Variants in MYH10 observed in about 807,000 individuals in gnomAD.
MYH10 encodes the protein myosin heavy chain 10, also known as myosin-10.
MYH10 carries 55 observed loss-of-function variants against 257.8 expected under a neutral mutation model. The observed-to-expected ratio is 0.21, with a 90% CI of 0.17 to 0.27. MYH10 has a LOEUF of 0.27. MYH10 is among the 10% of genes least tolerant of loss of function. The probability of loss-of-function intolerance (pLI) is 1.00; values close to 1 mark genes in which losing one functional copy is unlikely to be tolerated. For synonymous variants in MYH10, 854 were observed against 921.7 expected (o/e 0.93, Z 1.33); for missense variants, 1,631 against 2,500.6 (o/e 0.65, Z 7.42).
chr17:8,548,033 G>C (rs2082500265), intron 11 of MYH10, among the ~76,000 whole-genome samples: 1 of 151,994 alleles, frequency 6.6e-6, no homozygotes, highest in Non-Finnish European at 1.5e-5. Flanking sequence ...ACCCTCTCAG[G>C]TAAGTGTGTG....
At chr17:8,496,742 C>T (rs1916696434) in intron 30 of MYH10, among the ~76,000 whole-genome samples, 1 of 152,250 alleles carries the variant, frequency 6.6e-6, no homozygotes, top group Non-Finnish European at 1.5e-5. Context: ...GACCACCCTC[C>T]TTCGAAAGGC....
At chr17:8,534,323 G>T (rs888214500) in intron 16 of MYH10, among the ~76,000 whole-genome samples, 2 of 152,124 alleles carry the variant, frequency 1.3e-5, no homozygotes, top group Non-Finnish European at 2.9e-5. Context: ...TCCCCTCTTT[G>T]CTATGTCTCA....
chr17:8,573,195 T>C (rs1210503537), intron 6 of MYH10, among the ~76,000 whole-genome samples: 1 of 152,224 alleles, frequency 6.6e-6, no homozygotes, highest in African/African-American at 2.4e-5. Flanking sequence ...TGCTATATGA[T>C]ATAGCATGAG....
At chr17:8,590,781 A>G (rs2084098214) in intron 3 of MYH10, among the ~76,000 whole-genome samples, 1 of 150,952 alleles carries the variant, frequency 6.6e-6, no homozygotes, top group Non-Finnish European at 1.5e-5. Flanking sequence ...AACCACTGGG[A>G]TATCTCCTGC....
intron 38 of MYH10, 179 bp from the exon 39 acceptor site, chr17:8,480,704 A>T: frequency 8.1e-6 from 6 of 737,562 alleles, no homozygotes; most frequent in Admixed American, 4.8e-5. Context: ...ACTTCCAAAC[A>T]CCCTCCCCCG....
chr17:8,594,044 A>C (rs980325564), intron 3 of MYH10, among the ~76,000 whole-genome samples: 2 of 152,198 alleles, frequency 1.3e-5, no homozygotes, highest in African/African-American at 4.8e-5. Flanking sequence ...AAAGGTACAA[A>C]GGCAATTCAA....
At chr17:8,587,565 C>A (rs1451800462) in intron 4 of MYH10, among the ~76,000 whole-genome samples, 1 of 152,106 alleles carries the variant, frequency 6.6e-6, no homozygotes, top group East Asian at 1.9e-4. Context: ...GCCTCCTTGG[C>A]CCGTCACTGG....
At chr17:8,581,102 G>T (rs1250639707) in intron 4 of MYH10, among the ~76,000 whole-genome samples, 1 of 152,054 alleles carries the variant, frequency 6.6e-6, no homozygotes, top group Non-Finnish European at 1.5e-5. Context: ...CAGGTGCCAG[G>T]ATTTGATATA....
chr17:8,511,712 A>T (rs1049481640), intron 24 of MYH10, among the ~76,000 whole-genome samples: 4 of 152,238 alleles, frequency 2.6e-5, no homozygotes, highest in Non-Finnish European at 5.9e-5. Flanking sequence ...AAACACACAT[A>T]CAAGCACACA....
chr17:8,616,093 G>A (rs2085250770), intron 2 of MYH10, among the ~76,000 whole-genome samples: 1 of 152,170 alleles, frequency 6.6e-6, no homozygotes, highest in African/African-American at 2.4e-5. Context: ...AGACCAGCCT[G>A]GGCAACATGG....
At chr17:8,523,947 T>C (rs2081747301) in intron 17 of MYH10, among the ~76,000 whole-genome samples, 1 of 152,086 alleles carries the variant, frequency 6.6e-6, no homozygotes, top group Non-Finnish European at 1.5e-5. Flanking sequence ...AAACTCTAAG[T>C]AAGTCTGGGA....
At position 8,481,589 on chromosome 17, in the gene MYH10, G is replaced by C. The variant is rs1597597928; in HGVS notation, c.5176-179C>G. On this transcript the variant is annotated intron_variant, in intron 37 of 42. Transcript: ENST00000360416. ...AATCTGCTCGGTGCAGGCCAGCCAG[G>C]TGGTGTGTGGTGTCAGCATCTGACA... The C allele has an allele frequency of 5.3e-6, 3 of 564,444 alleles. No individual in the cohort carries two copies. In the South Asian group the frequency reaches 6.2e-5, roughly 12 times the overall value. The allele number at this position is 564,444 out of a possible 1,614,324, so 35.0% of individuals were successfully genotyped here. A position where few individuals can be genotyped will look rare whatever the true frequency, so the allele number is the denominator to read the frequency against.
chr17:8,542,422 G>C, intron 13 of MYH10, 142 bp from the exon 14 acceptor site: 1 of 696,478 alleles, frequency 1.4e-6, no homozygotes, highest in Non-Finnish European at 2.4e-6. Context: ...TCTAATGACA[G>C]TGACTAAACC....
At chr17:8,489,466 G>T (rs939118762) in intron 35 of MYH10, among the ~76,000 whole-genome samples, 12 of 152,190 alleles carry the variant, frequency 7.9e-5, no homozygotes, top group African/African-American at 2.9e-4. Context: ...CACTTTGGGA[G>T]GCCAAGGCGG....
At chr17:8,623,900 C>T (rs2085570842) in intron 1 of MYH10, among the ~76,000 whole-genome samples, 1 of 152,166 alleles carries the variant, frequency 6.6e-6, no homozygotes, top group African/African-American at 2.4e-5. Context: ...ACACGGCAGC[C>T]TTTTGAATAT....
chr17:8,503,064 C>G (rs111596475), intron 28 of MYH10, among the ~76,000 whole-genome samples: 154 of 152,278 alleles, frequency 1.0e-3, no homozygotes, highest in African/African-American at 3.3e-3. Context: ...GGGCGGATCA[C>G]CTGAGGTCGG....
chr17:8,478,558 A>G lies in MYH10; in HGVS notation c.5598-112T>C, dbSNP rs1474380270. On this transcript the variant is annotated intron_variant, in intron 40 of 42. Transcript: ENST00000360416. ...GAAGATGACACATGGTGGAGGCATT[A>G]TGGACCTCTCTGTCCAGAATTCATG... 23 of 910,192 alleles carry G rather than the reference A, an allele frequency of 2.5e-5. No homozygotes were observed. The East Asian group carries it at 5.5e-4, about 22-fold the overall frequency. 56.4% of individuals were successfully genotyped at this position (910,192 alleles called of 1,614,324 possible).
At chr17:8,484,988 G>A (rs7226082) in intron 36 of MYH10, among the ~76,000 whole-genome samples, 3,645 of 152,266 alleles carry the variant, frequency 0.024, 150 homozygotes, top group African/African-American at 0.08. Context: ...AGAAATAAAA[G>A]ATATCCAGAT....
intron 35 of MYH10, among the ~76,000 whole-genome samples, chr17:8,489,514 G>A (rs1915400657): frequency 6.6e-6 from 1 of 152,158 alleles, no homozygotes; most frequent in Admixed American, 6.5e-5. Context: ...GACCAGCCTG[G>A]CCAACACGAT....
Sources: gnomAD v4.1 joint callset for allele counts (sites outside exome capture counted in the v4.1 genomes callset) on GRCh38, gnomAD v4.1.1 for gene constraint, MANE v1.5 for transcripts, NCBI Gene and HGNC (gene_info 2026-07-23, HGNC 2026-07-21) for gene names.